The following SUDS3 variants were observed in gnomAD, a reference collection of about 807,000 sequenced individuals.
The protein encoded by SUDS3 is sin3 histone deacetylase corepressor complex component SDS3.
In SUDS3, 23 loss-of-function variants were observed where a neutral mutation model predicts 53.5. The ratio of observed to expected loss-of-function variants is 0.43; its 90% CI spans 0.31 to 0.61. The LOEUF (loss-of-function observed/expected upper bound fraction) is 0.61, where lower values mean the gene tolerates loss of function less well. SUDS3 is among the 20% of genes least tolerant of loss of function. The pLI is 0.10. For synonymous variants in SUDS3, 150 were observed against 148.5 expected (o/e 1.01, Z -0.08); for missense variants, 291 against 405.9 (o/e 0.72, Z 2.43).
chr12:118,378,732 A>G (rs1426313952), intron 1 of SUDS3, among the ~76,000 whole-genome samples: 2 of 151,668 alleles, frequency 1.3e-5, no homozygotes, highest in Non-Finnish European at 2.9e-5. Flanking sequence ...GTGGAGTGCA[A>G]TGGCGCGATC....
intron 10 of SUDS3, among the ~76,000 whole-genome samples, chr12:118,406,525 TG>T (rs1168651339): frequency 1.3e-5 from 2 of 152,236 alleles, no homozygotes; most frequent in Non-Finnish European, 2.9e-5. Flanking sequence ...TTTCTAGTTT[TG>T]TTCGGTTTAA....
chr12:118,377,053 T>C (rs1258643761), intron 1 of SUDS3, among the ~76,000 whole-genome samples: 1 of 152,062 alleles, frequency 6.6e-6, no homozygotes. Flanking sequence ...AGAGGGGACT[T>C]AGATGTTGTC....
At chr12:118,386,656 T>C (rs2046117324) in intron 4 of SUDS3, among the ~76,000 whole-genome samples, 1 of 152,204 alleles carries the variant, frequency 6.6e-6, no homozygotes, top group Admixed American at 6.5e-5. Context: ...TGATTAGTTG[T>C]ATACAGTAAA....
intron 3 of SUDS3, 62 bp downstream of exon 3, chr12:118,384,129 A>G: frequency 6.6e-7 from 1 of 1,517,630 alleles, no homozygotes; most frequent in Non-Finnish European, 9.1e-7. Flanking sequence ...AACCCTTGAA[A>G]TCTGTGTATT....
At chr12:118,396,090 G>A (rs1306411692) in intron 6 of SUDS3, among the ~76,000 whole-genome samples, 1 of 152,092 alleles carries the variant, frequency 6.6e-6, no homozygotes, top group East Asian at 1.9e-4. Context: ...GCTAGAGAAG[G>A]GCATGATGTC....
Position 118,414,615 on chromosome 12 carries a change from A to G in SUDS3, c.*182A>G. ...GTGGCCGGATGCTTCCAACTTTGTC[A>G]GTCTTTTCTGCCTCAACTTCTTCCA... On this transcript the variant is annotated 3_prime_UTR_variant, in exon 12 of 12. Coordinates refer to ENST00000543473, the MANE Select transcript of SUDS3 (RefSeq NM_022491.3). 1 of 487,856 alleles carries G rather than the reference A, an allele frequency of 2.0e-6. No homozygotes were observed. Among genetic ancestry groups the G allele is most frequent in the Non-Finnish European group, 3.6e-6 (1 of 278,988 alleles). 30.2% of individuals were successfully genotyped at this position (487,856 alleles called of 1,614,324 possible).
rs1400617588 is a variant in SUDS3, at chr12:118,414,701, CCTTTT to C, written c.*269_*273del. The C allele has an allele frequency of 2.5e-5, 8 of 326,258 alleles. No individual in the cohort carries two copies. The highest frequency in any genetic ancestry group is 1.1e-4 in the South Asian group (1 of 9,392). 20.2% of individuals were successfully genotyped at this position (326,258 alleles called of 1,614,324 possible). A position where few individuals can be genotyped will look rare whatever the true frequency, so the allele number is the denominator to read the frequency against. The stretch of plus-strand genomic sequence containing the variant: ...CGTATTGGGGGGTTTGATTTACTTT[CCTTTT>C]ATTTCTTTATTTTTTGCTTATACTT... On this transcript the variant is annotated 3_prime_UTR_variant, in exon 12 of 12. Coordinates refer to ENST00000543473, the MANE Select transcript of SUDS3 (RefSeq NM_022491.3).
chr12:118,398,795 C>T (rs1566204715), intron 6 of SUDS3, among the ~76,000 whole-genome samples: 1 of 152,118 alleles, frequency 6.6e-6, no homozygotes, highest in Non-Finnish European at 1.5e-5. Context: ...CTGCACAAAA[C>T]ATTATGCACC....
intron 10 of SUDS3, among the ~76,000 whole-genome samples, chr12:118,410,053 G>T (rs144608331): frequency 6.6e-6 from 1 of 152,352 alleles, no homozygotes; most frequent in East Asian, 1.9e-4. Flanking sequence ...ATACGTCATG[G>T]CACTTGGAAC....
At chr12:118,386,341 G>A (rs559284767) in intron 4 of SUDS3, among the ~76,000 whole-genome samples, 156 bp downstream of exon 4, 2 of 152,192 alleles carry the variant, frequency 1.3e-5, no homozygotes, top group African/African-American at 4.8e-5. Flanking sequence ...CTGCAGTTAT[G>A]GAAAGTGGTT....
chr12:118,414,504 C>T lies in SUDS3; in HGVS notation c.*71C>T. 8.0e-7 allele frequency: 1 copy of T among 1,245,246 alleles called. No individual in the cohort carries two copies. The highest frequency in any genetic ancestry group is 1.1e-6 in the Non-Finnish European group (1 of 912,796). The allele number at this position is 1,245,246 out of a possible 1,614,324, so 77.1% of individuals were successfully genotyped here. A position where few individuals can be genotyped will look rare whatever the true frequency, so the allele number is the denominator to read the frequency against. On this transcript the variant is annotated 3_prime_UTR_variant, in exon 12 of 12. Coordinates refer to ENST00000543473, the MANE Select transcript of SUDS3 (RefSeq NM_022491.3). ...TATTTTTGTTTTGTTTCGTTTTCTC[C>T]TTAATAGAAAAATGTTAACTTACTG... is the stretch of plus-strand genomic sequence containing the variant.
intron 9 of SUDS3, 42 bp downstream of exon 9, chr12:118,402,046 A>T: frequency 6.2e-7 from 1 of 1,612,036 alleles, no homozygotes; most frequent in African/African-American, 1.3e-5. Flanking sequence ...CCTTTTTATC[A>T]TGTTGTTGGA....
chr12:118,390,434 C>G (rs1441129850), intron 5 of SUDS3, among the ~76,000 whole-genome samples: 3 of 152,206 alleles, frequency 2.0e-5, no homozygotes, highest in Non-Finnish European at 4.4e-5. Context: ...GAATGATGTA[C>G]TGCTCCCAGA....
chr12:118,409,335 T>A (rs1025407156), intron 10 of SUDS3, among the ~76,000 whole-genome samples: 1 of 151,910 alleles, frequency 6.6e-6, no homozygotes, highest in East Asian at 1.9e-4. Flanking sequence ...TTAGTAGAGA[T>A]GGGGTTTCAC....
At chr12:118,410,981 A>T (rs2046354540) in intron 10 of SUDS3, 92 bp from the exon 11 acceptor site, 1 of 992,728 alleles carries the variant, frequency 1.0e-6, no homozygotes, top group African/African-American at 1.6e-5. Flanking sequence ...TTTAATTATA[A>T]TTTTTGTTGT....
At chr12:118,412,377 A>T (rs781749852) in intron 11 of SUDS3, among the ~76,000 whole-genome samples, 11 of 152,270 alleles carry the variant, frequency 7.2e-5, no homozygotes, top group Non-Finnish European at 1.3e-4. Flanking sequence ...AAACTGGATT[A>T]TGAAGTAACT....
chr12:118,386,854 A>G (rs1433853002), intron 4 of SUDS3, among the ~76,000 whole-genome samples: 1 of 152,246 alleles, frequency 6.6e-6, no homozygotes, highest in Non-Finnish European at 1.5e-5. Flanking sequence ...AAGATGTGAC[A>G]ACTGTTTAAA....
In SUDS3 at chr12:118,401,917, T is replaced by C. The variant is rs1212008796; in HGVS notation, c.676-66T>C. On this transcript the variant is annotated intron_variant, in intron 8 of 11. Coordinates refer to ENST00000543473, the MANE Select transcript of SUDS3 (RefSeq NM_022491.3). ...GTTACTTGTTAATCATTATGATACCTTTGACACCTGAAGTTGCACCTGAAA... is the reference window on the plus strand; with the variant it reads ...GTTACTTGTTAATCATTATGATACCCTTGACACCTGAAGTTGCACCTGAAA... The C allele has an allele frequency of 3.7e-6, 6 of 1,603,640 alleles. No individual in the cohort carries two copies. The Admixed American group carries it at 8.3e-5, about 22-fold the overall frequency.
chr12:118,393,295 C>G (rs1047602215), intron 6 of SUDS3, among the ~76,000 whole-genome samples: 5 of 152,156 alleles, frequency 3.3e-5, no homozygotes, highest in African/African-American at 1.2e-4. Context: ...TTTTTAAAGT[C>G]TCCTTTTTTG....
Sources: gnomAD v4.1 joint callset for allele counts (sites outside exome capture counted in the v4.1 genomes callset) on GRCh38, gnomAD v4.1.1 for gene constraint, MANE v1.5 for transcripts, NCBI Gene and HGNC (gene_info 2026-07-23, HGNC 2026-07-21) for gene names.